The following PCSK5 variants were observed in gnomAD, a reference collection of about 807,000 sequenced individuals.
PCSK5 encodes proprotein convertase subtilisin/kexin type 5, also known as prohormone convertase 5.
In PCSK5, 129 loss-of-function variants were observed where a neutral mutation model predicts 233.2. The ratio of observed to expected loss-of-function variants is 0.55; its 90% CI spans 0.48 to 0.64. PCSK5 has a LOEUF of 0.64. PCSK5 is among the 30% of genes least tolerant of loss of function. PCSK5 has a pLI of 0.00. For missense variants in PCSK5, 2,076 were observed against 2,430.1 expected (o/e 0.85, Z 3.06); for synonymous variants, 825 against 879.2 (o/e 0.94, Z 1.09).
intron 12 of PCSK5, among the ~76,000 whole-genome samples, chr9:76,160,838 A>G (rs1021433954): frequency 6.6e-6 from 1 of 151,838 alleles, no homozygotes; most frequent in African/African-American, 2.4e-5. Flanking sequence ...TGTTGGCACA[A>G]TCTCGGCTCA....
intron 7 of PCSK5, among the ~76,000 whole-genome samples, chr9:76,093,392 G>A (rs2131644277): frequency 6.6e-6 from 1 of 151,142 alleles, no homozygotes. Flanking sequence ...ACTACACCCA[G>A]TCTACACATT....
At chr9:76,304,324 C>T (rs980394688) in intron 28 of PCSK5, among the ~76,000 whole-genome samples, 1 of 152,216 alleles carries the variant, frequency 6.6e-6, no homozygotes, top group East Asian at 1.9e-4. Flanking sequence ...TATGTATGTA[C>T]CTTTCTATCA....
At chr9:76,075,842 T>G (rs1830625114) in intron 7 of PCSK5, among the ~76,000 whole-genome samples, 1 of 152,240 alleles carries the variant, frequency 6.6e-6, no homozygotes, top group South Asian at 2.1e-4. Context: ...TTCATCATAT[T>G]AAGCTTAGCG....
intron 5 of PCSK5, among the ~76,000 whole-genome samples, chr9:76,060,765 T>G (rs1037032004): frequency 1.3e-5 from 2 of 152,186 alleles, no homozygotes; most frequent in African/African-American, 4.8e-5. Context: ...TATTGTTAGC[T>G]ATTTGTGATC....
At chr9:76,165,823 C>G (rs926430302) in intron 12 of PCSK5, among the ~76,000 whole-genome samples, 8 of 152,306 alleles carry the variant, frequency 5.3e-5, no homozygotes, top group Admixed American at 2.6e-4. Flanking sequence ...TCACTGTTGG[C>G]ACAGCGTGGA....
intron 1 of PCSK5, among the ~76,000 whole-genome samples, chr9:75,896,143 A>G (rs1289391526): frequency 1.3e-5 from 2 of 152,164 alleles, no homozygotes; most frequent in Non-Finnish European, 2.9e-5. Context: ...AGCCACTCTC[A>G]TATGCATATT....
chr9:76,246,068 T>C (rs1826580728), intron 24 of PCSK5, among the ~76,000 whole-genome samples: 1 of 152,118 alleles, frequency 6.6e-6, no homozygotes, highest in Admixed American at 6.6e-5. Flanking sequence ...GCGCAGTGGC[T>C]CACGCCTGTA....
intron 5 of PCSK5, among the ~76,000 whole-genome samples, chr9:76,033,999 A>G (rs567025950): frequency 6.6e-6 from 1 of 152,324 alleles, no homozygotes; most frequent in Non-Finnish European, 1.5e-5. Flanking sequence ...AAGAACCTAC[A>G]GCAAATATTT....
chr9:76,176,014 G>A (rs1161689827), intron 14 of PCSK5, among the ~76,000 whole-genome samples: 2 of 116,960 alleles, frequency 1.7e-5, no homozygotes, highest in Non-Finnish European at 3.5e-5. Context: ...GGTTTGTGTT[G>A]TTTTGACAAA....
chr9:76,009,115 G>GA (rs1360107446), intron 3 of PCSK5, among the ~76,000 whole-genome samples: 16 of 152,244 alleles, frequency 1.1e-4, no homozygotes, highest in Admixed American at 5.9e-4. Flanking sequence ...TACCTAGAAT[G>GA]ATACCTGGGA....
At chr9:76,309,499 GC>G (rs1028656678) in intron 29 of PCSK5, among the ~76,000 whole-genome samples, 8 of 152,132 alleles carry the variant, frequency 5.3e-5, no homozygotes, top group African/African-American at 1.7e-4. Flanking sequence ...TTGGAGACCT[GC>G]CTGGCCAACA....
At chr9:75,966,558 T>C (rs1825596205) in intron 2 of PCSK5, among the ~76,000 whole-genome samples, 1 of 152,182 alleles carries the variant, frequency 6.6e-6, no homozygotes, top group Non-Finnish European at 1.5e-5. Flanking sequence ...TAGATCTCTT[T>C]TAGTGGTTTT....
chr9:75,994,207 G>C (rs1826896247), intron 3 of PCSK5, among the ~76,000 whole-genome samples: 1 of 151,840 alleles, frequency 6.6e-6, no homozygotes, highest in South Asian at 2.1e-4. Flanking sequence ...AGAGAAACCT[G>C]GATGTCATCC....
chr9:76,297,554 C>T (rs974088627), intron 27 of PCSK5, among the ~76,000 whole-genome samples: 1 of 152,124 alleles, frequency 6.6e-6, no homozygotes, highest in Non-Finnish European at 1.5e-5. Flanking sequence ...CACACTTGAG[C>T]GTCAGTTATA....
intron 2 of PCSK5, among the ~76,000 whole-genome samples, chr9:75,955,032 T>C (rs1269019797): frequency 6.6e-6 from 1 of 152,208 alleles, no homozygotes; most frequent in African/African-American, 2.4e-5. Context: ...GAAAAATCTG[T>C]GGTTCACATT....
intron 2 of PCSK5, among the ~76,000 whole-genome samples, chr9:75,962,307 C>T (rs921702982): frequency 1.3e-5 from 2 of 152,126 alleles, no homozygotes; most frequent in African/African-American, 4.8e-5. Flanking sequence ...TTCTTCAGCT[C>T]CTGGGTCAAA....
intron 2 of PCSK5, among the ~76,000 whole-genome samples, chr9:75,968,211 A>T (rs905937663): frequency 6.6e-6 from 1 of 152,226 alleles, no homozygotes; most frequent in Non-Finnish European, 1.5e-5. Flanking sequence ...ATGTGTGTTG[A>T]ATCGAGTTGA....
At chr9:76,301,710 G>A (rs185648914) in intron 27 of PCSK5, among the ~76,000 whole-genome samples, 1 of 152,248 alleles carries the variant, frequency 6.6e-6, no homozygotes, top group Non-Finnish European at 1.5e-5. Context: ...CAGGCATGGC[G>A]GTGCTTGCCT....
chr9:76,208,350 C>T (rs1825203226), intron 20 of PCSK5, among the ~76,000 whole-genome samples: 1 of 152,116 alleles, frequency 6.6e-6, no homozygotes. Context: ...TCTCCAGGAG[C>T]CACTGCAAAG....
Sources: gnomAD v4.1 joint callset for allele counts (sites outside exome capture counted in the v4.1 genomes callset) on GRCh38, gnomAD v4.1.1 for gene constraint, MANE v1.5 for transcripts, NCBI Gene and HGNC (gene_info 2026-07-23, HGNC 2026-07-21) for gene names.